The following EEA1 variants were observed in gnomAD, a reference collection of about 807,000 sequenced individuals.
EEA1 encodes early endosome antigen 1, 162kD.
Under a neutral mutation model 209.2 loss-of-function variants are expected in EEA1, and 111 were observed. The ratio of observed to expected loss-of-function variants is 0.53; its 90% CI spans 0.45 to 0.62. The LOEUF is 0.62. Ranked by LOEUF, EEA1 falls within the 20% of genes least tolerant of loss-of-function variation. The pLI is 0.00. For missense variants in EEA1, 1,343 were observed against 1,530.8 expected (o/e 0.88, Z 2.05); for synonymous variants, 536 against 540.6 (o/e 0.99, Z 0.12).
Position 92,777,944 on chromosome 12 carries a change from T to A in EEA1, c.3890A>T (p.Glu1297Val), listed in dbSNP as rs1873731760. 6.2e-7 allele frequency: 1 copy of A among 1,610,996 alleles called. No homozygotes were observed. Reference protein sequence around the residue: ...NNQDERRALLERCLKGEGEIE... With the variant: ...NNQDERRALLVRCLKGEGEIE... ...AATTTTACTAGATATCAATCACCTTTCCAGTAGTGCTCTCCTTTCATCTTG... is the reference window on the plus strand; with the variant it reads ...AATTTTACTAGATATCAATCACCTTACCAGTAGTGCTCTCCTTTCATCTTG... The change falls in exon 26 of 29, where the codon GAA becomes GTA. Residue 1297 changes from glutamate to valine, a missense_variant. Glu to Val is a moderately radical substitution (Grantham distance 121). This residue lies in a region of EEA1 where 1,307 missense variants were observed against 1,465.5 expected (regional missense o/e 0.89). Coordinates refer to ENST00000322349, the MANE Select transcript of EEA1 (RefSeq NM_003566.4).
chr12:92,893,692 T>C (rs1879753211), intron 1 of EEA1, among the ~76,000 whole-genome samples: 1 of 152,192 alleles, frequency 6.6e-6, no homozygotes, highest in Non-Finnish European at 1.5e-5. Flanking sequence ...ATTCAAATAA[T>C]GATTTCTGTA....
intron 1 of EEA1, among the ~76,000 whole-genome samples, chr12:92,922,508 G>A (rs1881046246): frequency 6.6e-6 from 1 of 152,120 alleles, no homozygotes; most frequent in South Asian, 2.1e-4. Context: ...AATATGCAAC[G>A]ATTTTAAGAA....
At chr12:92,810,534 T>C (rs1347954428) in intron 17 of EEA1, among the ~76,000 whole-genome samples, 1 of 152,140 alleles carries the variant, frequency 6.6e-6, no homozygotes, top group African/African-American at 2.4e-5. Flanking sequence ...TGTATGTACA[T>C]ATATTCATTT....
chr12:92,852,040 G>T, intron 8 of EEA1, 135 bp downstream of exon 8: 1 of 585,768 alleles, frequency 1.7e-6, no homozygotes, highest in Non-Finnish European at 2.7e-6. Context: ...ATATGCAGGT[G>T]GTAGAATATA....
intron 1 of EEA1, among the ~76,000 whole-genome samples, chr12:92,907,971 C>G (rs1880440642): frequency 6.6e-6 from 1 of 151,596 alleles, no homozygotes; most frequent in East Asian, 1.9e-4. Flanking sequence ...TGTCTCCAAA[C>G]AAACAAACAA....
intron 1 of EEA1, among the ~76,000 whole-genome samples, chr12:92,908,193 A>G (rs1880452021): frequency 6.6e-6 from 1 of 152,248 alleles, no homozygotes; most frequent in Non-Finnish European, 1.5e-5. Context: ...TGAAGCTAGA[A>G]ATAATTATGC....
chr12:92,836,452 T>C (rs1030242575), intron 10 of EEA1, among the ~76,000 whole-genome samples: 3 of 152,152 alleles, frequency 2.0e-5, no homozygotes, highest in African/African-American at 4.8e-5. Context: ...GTTCAGATAA[T>C]GAAATGAATA....
chr12:92,921,869 A>C (rs1424359722), intron 1 of EEA1, among the ~76,000 whole-genome samples: 1 of 142,896 alleles, frequency 7.0e-6, no homozygotes, highest in East Asian at 2.0e-4. Flanking sequence ...TCTGTCTCAA[A>C]AAAAAAAAAA....
chr12:92,889,522 G>A (rs1233665905), intron 2 of EEA1, among the ~76,000 whole-genome samples: 5 of 141,116 alleles, frequency 3.5e-5, no homozygotes, highest in African/African-American at 5.3e-5. Context: ...AAGTGTTAAC[G>A]CTCTTTGCAA....
chr12:92,851,317 T>C (rs761210634), intron 8 of EEA1, 51 bp from the exon 9 acceptor site: 1 of 1,514,524 alleles, frequency 6.6e-7, no homozygotes, highest in South Asian at 1.2e-5. Context: ...ACTAAAATAA[T>C]ACACATTTTT....
rs185003200 is a variant in EEA1, at chr12:92,865,093, C to A, written c.118-106G>T. 1,915 of 835,366 alleles carry A rather than the reference C, an allele frequency of 2.3e-3. 9 individuals are homozygous for A. Among genetic ancestry groups the A allele is most frequent in the Non-Finnish European group, 2.3e-3 (1,345 of 593,366 alleles). The allele number at this position is 835,366 out of a possible 1,614,324, so 51.7% of individuals were successfully genotyped here. ...AAATGTCTGAATCATACCAATGGTGCCATTAGGTAAATTTTATCTTATGGT... is the reference window on the plus strand; with the variant it reads ...AAATGTCTGAATCATACCAATGGTGACATTAGGTAAATTTTATCTTATGGT... On this transcript the variant is annotated intron_variant, in intron 2 of 28. Coordinates refer to ENST00000322349, the MANE Select transcript of EEA1 (RefSeq NM_003566.4).
chr12:92,907,640 T>C lies in EEA1; in HGVS notation c.25-15919A>G, dbSNP rs772974094. ...CTCTATACCTCTACATCCACATTTG[T>C]AGTTGTTTACTAAGAAATCAAGCAA... On this transcript the variant is annotated intron_variant, in intron 1 of 28. Transcript: ENST00000322349. Among the ~76,000 whole-genome samples the C allele has an allele frequency of 4.6e-5, 7 of 152,208 alleles. No homozygotes were observed. In the East Asian group the frequency reaches 5.8e-4, roughly 13 times the overall value.
chr12:92,810,657 T>A (rs1389518711), intron 17 of EEA1, among the ~76,000 whole-genome samples: 1 of 148,356 alleles, frequency 6.7e-6, no homozygotes, highest in African/African-American at 2.5e-5. Context: ...TTTTAAAAAT[T>A]TTTTTTTTTT....
intron 17 of EEA1, among the ~76,000 whole-genome samples, chr12:92,809,850 T>C (rs1875410565): frequency 6.6e-6 from 1 of 152,212 alleles, no homozygotes; most frequent in African/African-American, 2.4e-5. Context: ...TTATCTTTTA[T>C]AGTCACAGTT....
intron 1 of EEA1, among the ~76,000 whole-genome samples, chr12:92,909,562 A>G (rs1214703799): frequency 6.6e-6 from 1 of 152,246 alleles, no homozygotes; most frequent in Non-Finnish European, 1.5e-5. Context: ...TATCGCTTGA[A>G]TGTCCCCACC....
intron 2 of EEA1, chr12:92,883,895 C>T (rs1274257695): frequency 1.1e-5 from 18 of 1,589,454 alleles, no homozygotes; most frequent in East Asian, 2.2e-5. Flanking sequence ...GGAACGCTCA[C>T]GGACTGTGTG....
chr12:92,921,749 T>TAAAAA (rs1028024768), intron 1 of EEA1, among the ~76,000 whole-genome samples: 1 of 34,306 alleles, frequency 2.9e-5, no homozygotes, highest in Non-Finnish European at 5.9e-5. Flanking sequence ...TAAAGTATAA[T>TAAAAA]AAAAAAAAAG....
At chr12:92,879,388 G>A (rs1414753472) in intron 2 of EEA1, 1 of 445,418 alleles carries the variant, frequency 2.2e-6, no homozygotes, top group Admixed American at 2.5e-5. Context: ...TAACAACACA[G>A]CAAGACCAAG....
chr12:92,896,048 A>T (rs1169224480), intron 1 of EEA1, among the ~76,000 whole-genome samples: 1 of 150,722 alleles, frequency 6.6e-6, no homozygotes, highest in Non-Finnish European at 1.5e-5. Context: ...ATCTCAGCTC[A>T]CTGCAACCTC....
Sources: gnomAD v4.1 joint callset for allele counts (sites outside exome capture counted in the v4.1 genomes callset) on GRCh38, gnomAD v4.1.1 for gene constraint, gnomAD v4.1.1 regional missense constraint, MANE v1.5 for transcripts, NCBI Gene and HGNC (gene_info 2026-07-23, HGNC 2026-07-21) for gene names.